Variants in JARID2 observed in about 807,000 individuals in gnomAD.
JARID2 encodes the protein jumonji and AT-rich interaction domain containing 2.
JARID2 carries 21 observed loss-of-function variants against 125.6 expected under a neutral mutation model. That is an observed-to-expected ratio of 0.17 (90% CI 0.12 to 0.24). The LOEUF (loss-of-function observed/expected upper bound fraction) is 0.24, where lower values mean the gene tolerates loss of function less well. Among genes scored for constraint, JARID2 ranks in the 10% least tolerant of loss-of-function variants. The probability of loss-of-function intolerance (pLI) is 1.00; values close to 1 mark genes in which losing one functional copy is unlikely to be tolerated. For missense variants in JARID2, 1,303 were observed against 1,639.6 expected (o/e 0.79, Z 3.55); for synonymous variants, 736 against 661.6 (o/e 1.11, Z -1.73).
At position 15,409,472 on chromosome 6, in the gene JARID2, G is replaced by GCTTTGTTATTCACC. The variant is rs1489893103; in HGVS notation, c.182-750_182-737dup. 3.9e-5 allele frequency among the ~76,000 whole-genome samples: 6 copies of GCTTTGTTATTCACC among 152,312 alleles called. No homozygotes were observed. In the East Asian group the frequency reaches 1.2e-3, roughly 29 times the overall value. On this transcript the variant is annotated intron_variant, in intron 2 of 17. Coordinates refer to ENST00000341776, the MANE Select transcript of JARID2 (RefSeq NM_004973.4). ...CTACATTGATGTAAGGGACTCTGAG[G>GCTTTGTTATTCACC]CTTTGTTATTCACCCGTTTCCCTAT...
intron 1 of JARID2, among the ~76,000 whole-genome samples, chr6:15,338,499 G>A (rs1028938179): frequency 5.9e-5 from 9 of 152,242 alleles, no homozygotes; most frequent in Non-Finnish European, 8.8e-5. Flanking sequence ...GGACAGATGG[G>A]CTGAGGCCCC....
intron 1 of JARID2, among the ~76,000 whole-genome samples, chr6:15,291,208 C>T (rs1456322761): frequency 1.3e-5 from 2 of 152,132 alleles, no homozygotes; most frequent in African/African-American, 4.8e-5. Context: ...TCATTCCAGC[C>T]TGGGTAATAG....
intron 2 of JARID2, among the ~76,000 whole-genome samples, chr6:15,376,075 G>A (rs1292060018): frequency 6.6e-6 from 1 of 152,202 alleles, no homozygotes; most frequent in Non-Finnish European, 1.5e-5. Context: ...AGAGTCAAGG[G>A]ATTGATGATA....
chr6:15,323,043 A>G (rs1561792035), intron 1 of JARID2, among the ~76,000 whole-genome samples: 1 of 152,250 alleles, frequency 6.6e-6, no homozygotes, highest in South Asian at 2.1e-4. Flanking sequence ...ATGCTAAGGT[A>G]GCAAACACCA....
At chr6:15,480,014 C>T (rs891380672) in intron 5 of JARID2, among the ~76,000 whole-genome samples, 1 of 152,190 alleles carries the variant, frequency 6.6e-6, no homozygotes, top group Admixed American at 6.5e-5. Context: ...TAATGCCAGC[C>T]AATTGACGGA....
At chr6:15,324,045 G>A (rs1277892492) in intron 1 of JARID2, among the ~76,000 whole-genome samples, 2 of 152,018 alleles carry the variant, frequency 1.3e-5, no homozygotes, top group Non-Finnish European at 2.9e-5. Context: ...AGCCGGGCGT[G>A]GTGGCGGGCG....
In JARID2 at chr6:15,410,503, C is replaced by A. The variant is rs1187633329; in HGVS notation, c.323+138C>A. ...TAGAGGAGCCAGAATCATGAGGTTT[C>A]GTATCAAATGCCCTGCTTTCTAAGT... On this transcript the variant is annotated intron_variant, in intron 3 of 17. Coordinates refer to ENST00000341776, the MANE Select transcript of JARID2 (RefSeq NM_004973.4). 3.8e-6 allele frequency: 3 copies of A among 780,402 alleles called. No individual in the cohort carries two copies. The South Asian group carries it at 6.0e-5, about 16-fold the overall frequency. 48.3% of individuals were successfully genotyped at this position (780,402 alleles called of 1,614,324 possible). A position where few individuals can be genotyped will look rare whatever the true frequency, so the allele number is the denominator to read the frequency against.
chr6:15,249,337 G>C (rs1012488582), intron 1 of JARID2, among the ~76,000 whole-genome samples: 3 of 152,078 alleles, frequency 2.0e-5, no homozygotes, highest in African/African-American at 2.4e-5. Context: ...ACTACGGTGG[G>C]GGGGCTTTCC....
Position 15,400,716 on chromosome 6 carries a change from C to T in JARID2, c.182-9508C>T, listed in dbSNP as rs1216292249. On this transcript the variant is annotated intron_variant, in intron 2 of 17. Transcript: ENST00000341776. ...CCGGAGACCCCTCCTCTTTGGTGTTCGATTCCCTCCCTTGCACATAAATAA... is the reference window on the plus strand; with the variant it reads ...CCGGAGACCCCTCCTCTTTGGTGTTTGATTCCCTCCCTTGCACATAAATAA... The T allele has an allele frequency of 1.7e-5, 13 of 781,450 alleles. No homozygotes were observed. In the South Asian group the frequency reaches 1.7e-4, roughly 10 times the overall value. The allele number at this position is 781,450 out of a possible 1,614,324, so 48.4% of individuals were successfully genotyped here. A position where few individuals can be genotyped will look rare whatever the true frequency, so the allele number is the denominator to read the frequency against.
At chr6:15,447,366 C>T (rs575347422) in intron 3 of JARID2, among the ~76,000 whole-genome samples, 2 of 109,806 alleles carry the variant, frequency 1.8e-5, no homozygotes, top group South Asian at 6.5e-4. Flanking sequence ...AAGGGATCTC[C>T]TTGAAGAATT....
chr6:15,473,379 C>T (rs936685518), intron 5 of JARID2, among the ~76,000 whole-genome samples: 1 of 152,080 alleles, frequency 6.6e-6, no homozygotes, highest in East Asian at 1.9e-4. Context: ...CTGTCAGAAA[C>T]GTCAGAAGAC....
At chr6:15,354,482 T>G (rs922186940) in intron 1 of JARID2, among the ~76,000 whole-genome samples, 4 of 152,226 alleles carry the variant, frequency 2.6e-5, no homozygotes, top group African/African-American at 9.6e-5. Flanking sequence ...TAATGCTTTC[T>G]TTGTCCTTTG....
At chr6:15,518,912 A>G (rs1312473991) in intron 17 of JARID2, among the ~76,000 whole-genome samples, 1 of 152,080 alleles carries the variant, frequency 6.6e-6, no homozygotes, top group African/African-American at 2.4e-5. Flanking sequence ...TGCTTTAAAC[A>G]CCCACCCTTG....
intron 1 of JARID2, among the ~76,000 whole-genome samples, chr6:15,304,590 G>A (rs755940369): frequency 1.3e-5 from 2 of 151,902 alleles, no homozygotes; most frequent in Non-Finnish European, 2.9e-5. Flanking sequence ...TTGTAGCATG[G>A]CCTTTCCCCC....
intron 3 of JARID2, among the ~76,000 whole-genome samples, chr6:15,433,793 G>A (rs1432504840): frequency 6.6e-6 from 1 of 152,130 alleles, no homozygotes; most frequent in Non-Finnish European, 1.5e-5. Flanking sequence ...CTCCCTGATA[G>A]TTCTTTTCTC....
chr6:15,469,296 CTGTCTCTG>C (rs11278257), intron 5 of JARID2, among the ~76,000 whole-genome samples: 42,321 of 110,782 alleles, frequency 0.38, 7,856 homozygotes, highest in South Asian at 0.45. Context: ...CTCTGTCTCT[CTGTCTCTG>C]TCTCTCTCTC....
chr6:15,499,528 G>A (rs1379804154), intron 7 of JARID2, among the ~76,000 whole-genome samples: 3 of 152,176 alleles, frequency 2.0e-5, no homozygotes, highest in Non-Finnish European at 4.4e-5. Context: ...CTCGGACGGT[G>A]GAGGACTTGT....
At chr6:15,443,121 C>A (rs139387451) in intron 3 of JARID2, among the ~76,000 whole-genome samples, 101 of 151,980 alleles carry the variant, frequency 6.6e-4, no homozygotes, top group African/African-American at 2.3e-3. Context: ...CTCTCTGATG[C>A]CTGTTTTCCA....
chr6:15,482,967 G>A (rs1004816934), intron 5 of JARID2, among the ~76,000 whole-genome samples: 5 of 152,090 alleles, frequency 3.3e-5, no homozygotes, highest in Admixed American at 6.6e-5. Context: ...AATTTCTGTC[G>A]AACTCATGAT....
Sources: gnomAD v4.1 joint callset for allele counts (sites outside exome capture counted in the v4.1 genomes callset) on GRCh38, gnomAD v4.1.1 for gene constraint, MANE v1.5 for transcripts, NCBI Gene and HGNC (gene_info 2026-07-23, HGNC 2026-07-21) for gene names.